Variants in PSMF1 observed in about 807,000 individuals in gnomAD.
The protein encoded by PSMF1 is proteasome inhibitor PI31 subunit.
In PSMF1, 30 loss-of-function variants were observed where a neutral mutation model predicts 29.3. That is an observed-to-expected ratio of 1.02 (90% confidence interval 0.77 to 1.39). PSMF1 has a LOEUF of 1.39. Among genes scored for constraint, PSMF1 ranks in the 40% most tolerant of loss-of-function variants. The probability of loss-of-function intolerance (pLI) is 0.00; values close to 1 mark genes in which losing one functional copy is unlikely to be tolerated. For synonymous variants in PSMF1, 134 were observed against 139.7 expected, an observed-to-expected ratio of 0.96 and a Z score of 0.29; for missense variants, 344 against 357.5, an observed-to-expected ratio of 0.96 and a Z score of 0.31.
At chr20:1,137,068 A>G (rs1464212566) in intron 4 of PSMF1, among the ~76,000 whole-genome samples, 1 of 152,232 alleles carries the variant, frequency 6.6e-6, no homozygotes, top group Non-Finnish European at 1.5e-5. Flanking sequence ...TATGAATTGT[A>G]GAACATCCAG....
chr20:1,134,037 C>CT (rs1041514823), intron 3 of PSMF1, among the ~76,000 whole-genome samples: 18 of 150,680 alleles, frequency 1.2e-4, no homozygotes, highest in Admixed American at 2.6e-4. Context: ...CAGTTTTATT[C>CT]TTTTTTTTTG....
chr20:1,159,986 T>C (rs558858856), intron 4 of PSMF1, among the ~76,000 whole-genome samples: 1 of 152,294 alleles, frequency 6.6e-6, no homozygotes, highest in East Asian at 1.9e-4. Context: ...CCCAGAACTA[T>C]CAGGTTTGTA....
In PSMF1 at chr20:1,165,604, G is replaced by A. The variant is rs933837295; in HGVS notation, c.*524G>A. ...CATTCTTGCTTCTCAGGCACCTTCC[G>A]TTTATTAATTGCCATTGCTCCTGAC... On this transcript the variant is annotated 3_prime_UTR_variant, in exon 7 of 7. Transcript: ENST00000335877. The A allele has an allele frequency of 4.8e-5, 48 of 994,470 alleles. No homozygotes were observed. In the East Asian group the frequency reaches 7.6e-4, roughly 16 times the overall value. 61.6% of individuals were successfully genotyped at this position (994,470 alleles called of 1,614,324 possible).
Position 1,168,733 on chromosome 20 carries a change from A to G in PSMF1, c.*3653A>G, listed in dbSNP as rs2122633029. Among the ~76,000 whole-genome samples the G allele has an allele frequency of 6.6e-6, 1 of 152,328 alleles. No individual in the cohort carries two copies. Among genetic ancestry groups the G allele is most frequent in the South Asian group, 2.1e-4 (1 of 4,828 alleles). On this transcript the variant is annotated 3_prime_UTR_variant, in exon 7 of 7. Coordinates refer to ENST00000335877, the MANE Select transcript of PSMF1 (RefSeq NM_006814.5). ...GGCCTCCCTTTCTACTGTTGTTAAT[A>G]ACATTCTATTAATGATCCATGCCTC...
upstream of PSMF1, among the ~76,000 whole-genome samples, chr20:1,115,737 C>CT (rs11087011): frequency 0.48 from 68,590 of 142,740 alleles, 16,901 homozygotes; most frequent in Admixed American, 0.54. Flanking sequence ...CCTTAATCCA[C>CT]TTTTTTTTTT....
Position 1,164,257 on chromosome 20 carries a change from G to A in PSMF1, c.606-61G>A, listed in dbSNP as rs932797279. The stretch of plus-strand genomic sequence containing the variant: ...TTCTTGGTGCATTGTAACCTCCCTC[G>A]CCTTTTCTCCAAGGGCAGTCCTTGC... On this transcript the variant is annotated intron_variant, in intron 5 of 6. Transcript: ENST00000335877. The surrounding 1 kb of genome is among the most constrained non-coding windows in gnomAD (Gnocchi z 4.1). 33 of 1,507,168 alleles carry A rather than the reference G, an allele frequency of 2.2e-5. No individual in the cohort carries two copies. The highest frequency in any genetic ancestry group is 1.2e-4 in the Admixed American group (7 of 59,704). The allele number at this position is 1,507,168 out of a possible 1,614,324, so 93.4% of individuals were successfully genotyped here.
At position 1,169,541 on chromosome 20, in the gene PSMF1, G is replaced by A. The variant is rs943839882; in HGVS notation, c.*4461G>A. Reference sequence around the variant, plus strand: ...AAGGTAGTGAGAGGATGCTGCTGACGCATTAGTCCTGGGATTCAGCTGCAG... The same window carrying A: ...AAGGTAGTGAGAGGATGCTGCTGACACATTAGTCCTGGGATTCAGCTGCAG... On this transcript the variant is annotated 3_prime_UTR_variant, in exon 7 of 7. Transcript: ENST00000335877. Among the ~76,000 whole-genome samples the A allele has an allele frequency of 2.0e-5, 3 of 152,154 alleles. No homozygotes were observed. Among genetic ancestry groups the A allele is most frequent in the Non-Finnish European group, 4.4e-5 (3 of 68,034 alleles).
chr20:1,125,534 G>T lies in PSMF1; in HGVS notation c.166G>T (p.Ala56Ser). ...TGATAAGAAGTCAGAACTGCTGCCA[G>T]CTGGGTGGAACAACAATAAAGACCT... is the stretch of plus-strand genomic sequence containing the variant. Reference protein sequence around the residue: ...PNDKKSELLPAGWNNNKDLYV... With the variant: ...PNDKKSELLPSGWNNNKDLYV... Residue 56 changes from alanine (A) to serine (S), a missense_variant, in exon 2 of 7, where the codon GCT becomes TCT. By Grantham distance (99) the Ala-to-Ser change is moderately conservative. Coordinates refer to ENST00000335877, the MANE Select transcript of PSMF1 (RefSeq NM_006814.5). The T allele has an allele frequency of 6.2e-7, 1 of 1,613,302 alleles. No homozygotes were observed. Among genetic ancestry groups the T allele is most frequent in the Non-Finnish European group, 8.5e-7 (1 of 1,179,600 alleles).
At position 1,137,876 on chromosome 20, in the gene PSMF1, G is replaced by A. The variant is rs35190264; in HGVS notation, c.551+2570G>A. Among the ~76,000 whole-genome samples the A allele has an allele frequency of 8.0e-3, 1,214 of 152,310 alleles. 11 individuals carry two copies. Among genetic ancestry groups the A allele is most frequent in the Non-Finnish European group, 0.013 (911 of 68,016 alleles). Reference sequence around the variant, plus strand: ...TACATTGAAGTATTTAAAGGTGAATGATATGTCTGGGATTTACTTTAAAAT... The same window carrying A: ...TACATTGAAGTATTTAAAGGTGAATAATATGTCTGGGATTTACTTTAAAAT... On this transcript the variant is annotated intron_variant, in intron 4 of 6. Coordinates refer to ENST00000335877, the MANE Select transcript of PSMF1 (RefSeq NM_006814.5).
intron 1 of PSMF1, among the ~76,000 whole-genome samples, chr20:1,123,836 C>G (rs1030885475): frequency 6.6e-6 from 1 of 152,250 alleles, no homozygotes; most frequent in African/African-American, 2.4e-5. Context: ...CTCCCCACAC[C>G]TACACAGACA....
rs2086762514 is a variant in PSMF1, at chr20:1,168,961, C to T, written c.*3881C>T. The stretch of plus-strand genomic sequence containing the variant: ...TTGCACCAAAGGAGATATTCAAGGA[C>T]AGACATCCAAGTCCCCAGCCCTTTA... On this transcript the variant is annotated 3_prime_UTR_variant, in exon 7 of 7. Transcript: ENST00000335877. Among the ~76,000 whole-genome samples the T allele has an allele frequency of 6.6e-6, 1 of 152,198 alleles. No homozygotes were observed. Among genetic ancestry groups the T allele is most frequent in the Non-Finnish European group, 1.5e-5 (1 of 68,044 alleles).
At chr20:1,119,094 G>A (rs1039510168) in intron 1 of PSMF1, among the ~76,000 whole-genome samples, 192 bp downstream of exon 1, 3 of 152,194 alleles carry the variant, frequency 2.0e-5, no homozygotes, top group Admixed American at 6.5e-5. Context: ...AGTCCCTCAC[G>A]GCACAGCTGG....
intron 4 of PSMF1, among the ~76,000 whole-genome samples, chr20:1,159,696 C>G (rs1023102913): frequency 6.6e-6 from 1 of 152,184 alleles, no homozygotes; most frequent in African/African-American, 2.4e-5. Context: ...TCTAGTTAGG[C>G]AGGATGTTGG....
At position 1,166,181 on chromosome 20, in the gene PSMF1, G is replaced by T. The variant is rs368044805; in HGVS notation, c.*1101G>T. 1.6e-3 allele frequency: 2,503 copies of T among 1,609,478 alleles called. 5 individuals are homozygous for T. Among genetic ancestry groups the T allele is most frequent in the Non-Finnish European group, 1.8e-3 (2,149 of 1,178,550 alleles). On this transcript the variant is annotated 3_prime_UTR_variant, in exon 7 of 7. Coordinates refer to ENST00000335877, the MANE Select transcript of PSMF1 (RefSeq NM_006814.5). ...GGAGGAGCAGGGAGCCCTGCACCTT[G>T]TGTCCTGGCCCACCTGACCTTTGGT...
intron 4 of PSMF1, among the ~76,000 whole-genome samples, chr20:1,156,552 A>G (rs1304035341): frequency 6.6e-6 from 1 of 152,214 alleles, no homozygotes; most frequent in Non-Finnish European, 1.5e-5. Context: ...AAGAATTTGA[A>G]TGGTTACGAA....
rs1034931573 is a variant in PSMF1 at position 1,171,224 on chromosome 20, G to T, written c.*6144G>T. Among the ~76,000 whole-genome samples the T allele has an allele frequency of 1.3e-5, 2 of 152,134 alleles. No individual in the cohort carries two copies. The highest frequency in any genetic ancestry group is 1.5e-5 in the Non-Finnish European group (1 of 68,038). ...GAGTACCTCCACCTGCAGCCACAGT[G>T]CCCAGAGCACCTGGTTAGGAGGAGC... On this transcript the variant is annotated 3_prime_UTR_variant, in exon 7 of 7. Transcript: ENST00000335877.
intron 3 of PSMF1, among the ~76,000 whole-genome samples, chr20:1,131,352 A>G (rs879537038): frequency 5.3e-5 from 8 of 151,806 alleles, no homozygotes; most frequent in Non-Finnish European, 1.2e-4. Flanking sequence ...GAGGGAGGGG[A>G]TATGTGTTGT....
chr20:1,122,299 T>TTTTTTTTTTTTC (rs2086098875), intron 1 of PSMF1, among the ~76,000 whole-genome samples: 1 of 6,728 alleles, frequency 1.5e-4, no homozygotes, highest in Non-Finnish European at 4.9e-4. Context: ...TCTTTTCTTT[T>TTTTTTTTTTTTC]TTTTTTTTTT....
intron 4 of PSMF1, chr20:1,160,677 C>A (rs190185284): frequency 2.0e-6 from 1 of 500,554 alleles, no homozygotes; most frequent in East Asian, 5.9e-5. Context: ...AACCATGTTT[C>A]CCTCCACTGT....
Sources: gnomAD v4.1 joint callset for allele counts (sites outside exome capture counted in the v4.1 genomes callset) on GRCh38, gnomAD v4.1.1 for gene constraint, Gnocchi (gnomAD v3.1) non-coding constraint, MANE v1.5 for transcripts, NCBI Gene and HGNC (gene_info 2026-07-23, HGNC 2026-07-21) for gene names.